The following LRMDA variants were observed in gnomAD, a reference collection of about 807,000 sequenced individuals.
LRMDA encodes leucine-rich melanocyte differentiation-associated protein.
A neutral mutation model predicts 29.8 loss-of-function variants in LRMDA; 18 were observed. That is an observed-to-expected ratio of 0.60 (90% CI 0.42 to 0.90). The LOEUF (loss-of-function observed/expected upper bound fraction) is 0.90. Among genes scored for constraint, LRMDA ranks in the 40% least tolerant of loss-of-function variants. The pLI is 0.00. For synonymous variants in LRMDA, 125 were observed against 109.4 expected (o/e 1.14, Z -0.89); for missense variants, 273 against 273.9 (o/e 1.00, Z 0.02).
intron 2 of LRMDA, among the ~76,000 whole-genome samples, chr10:75,875,940 C>A (rs565883846): frequency 1.3e-3 from 194 of 152,022 alleles, no homozygotes; most frequent in African/African-American, 4.4e-3. Flanking sequence ...GGATATGAGG[C>A]CTGATTGGAG....
At chr10:76,486,564 T>C (rs886940962) in intron 6 of LRMDA, among the ~76,000 whole-genome samples, 5 of 151,914 alleles carry the variant, frequency 3.3e-5, no homozygotes, top group African/African-American at 1.2e-4. Flanking sequence ...GAAGAGTCCC[T>C]TTTCCTGATT....
chr10:76,447,407 CT>C (rs1443621833), intron 6 of LRMDA, among the ~76,000 whole-genome samples: 1 of 152,074 alleles, frequency 6.6e-6, no homozygotes, highest in Non-Finnish European at 1.5e-5. Flanking sequence ...CTTCTTGGTT[CT>C]GTTTTTCCTT....
intron 2 of LRMDA, among the ~76,000 whole-genome samples, chr10:75,759,425 C>G (rs1843069327): frequency 6.6e-6 from 1 of 152,170 alleles, no homozygotes; most frequent in Non-Finnish European, 1.5e-5. Flanking sequence ...TCTGCTCTCT[C>G]TAATGGTACT....
intron 2 of LRMDA, among the ~76,000 whole-genome samples, chr10:75,688,722 G>C (rs1290217372): frequency 6.6e-6 from 1 of 152,138 alleles, no homozygotes; most frequent in Non-Finnish European, 1.5e-5. Flanking sequence ...GAACTCTTTC[G>C]TGAAAGGAAG....
chr10:76,516,217 G>T (rs1366069426), intron 6 of LRMDA, among the ~76,000 whole-genome samples: 1 of 152,168 alleles, frequency 6.6e-6, no homozygotes, highest in Non-Finnish European at 1.5e-5. Flanking sequence ...AAAAGAAACA[G>T]ATTTGAATGC....
intron 2 of LRMDA, among the ~76,000 whole-genome samples, chr10:75,448,788 T>C (rs183977181): frequency 3.0e-4 from 45 of 152,208 alleles, no homozygotes; most frequent in African/African-American, 1.1e-3. Context: ...TTGCCAATAA[T>C]ACCAAGAGAG....
intron 2 of LRMDA, among the ~76,000 whole-genome samples, chr10:75,838,376 A>AT (rs1050603278): frequency 2.0e-5 from 3 of 152,100 alleles, no homozygotes; most frequent in Non-Finnish European, 2.9e-5. Context: ...TATAGGGAAC[A>AT]TTTTTTTTCT....
intron 2 of LRMDA, among the ~76,000 whole-genome samples, chr10:75,877,654 T>C (rs761368453): frequency 2.6e-5 from 4 of 152,220 alleles, no homozygotes; most frequent in Non-Finnish European, 5.9e-5. Context: ...TAGAGGATAA[T>C]AGGATGGGTA....
intron 6 of LRMDA, among the ~76,000 whole-genome samples, chr10:76,501,918 C>T (rs1057057635): frequency 1.3e-5 from 2 of 151,804 alleles, no homozygotes. Flanking sequence ...GGGATTTAGC[C>T]CAAAATTCTT....
At chr10:75,906,439 A>G (rs1319471169) in intron 2 of LRMDA, among the ~76,000 whole-genome samples, 2 of 152,182 alleles carry the variant, frequency 1.3e-5, no homozygotes, top group African/African-American at 2.4e-5. Flanking sequence ...CACACAGCCA[A>G]TTAGAGGTCT....
At chr10:76,349,194 CA>C (rs1841145129) in intron 6 of LRMDA, among the ~76,000 whole-genome samples, 1 of 152,088 alleles carries the variant, frequency 6.6e-6, no homozygotes, top group Non-Finnish European at 1.5e-5. Flanking sequence ...TGTGGGTCAG[CA>C]AACTTTTATC....
chr10:75,887,310 TA>T (rs1282472997), intron 2 of LRMDA, among the ~76,000 whole-genome samples: 1 of 152,036 alleles, frequency 6.6e-6, no homozygotes, highest in Non-Finnish European at 1.5e-5. Context: ...AATTATGTAT[TA>T]ATGGAAAAAT....
intron 5 of LRMDA, among the ~76,000 whole-genome samples, chr10:76,161,813 T>A (rs1378786353): frequency 1.3e-5 from 2 of 152,172 alleles, no homozygotes; most frequent in Admixed American, 1.3e-4. Context: ...GAAGGGCTGT[T>A]GTTTTGCTGA....
chr10:75,615,860 G>A (rs1409047131), intron 2 of LRMDA, among the ~76,000 whole-genome samples: 1 of 152,096 alleles, frequency 6.6e-6, no homozygotes, highest in African/African-American at 2.4e-5. Context: ...CCGGATAATG[G>A]GTGTCACAGG....
chr10:76,223,431 C>A (rs1315912791), intron 5 of LRMDA, among the ~76,000 whole-genome samples: 1 of 152,120 alleles, frequency 6.6e-6, no homozygotes, highest in Non-Finnish European at 1.5e-5. Context: ...CCTTGAGGCT[C>A]CTACCTCTCT....
chr10:76,236,173 C>T (rs1852148401), intron 5 of LRMDA, among the ~76,000 whole-genome samples: 1 of 152,132 alleles, frequency 6.6e-6, no homozygotes, highest in African/African-American at 2.4e-5. Context: ...CTAGGAAAGC[C>T]TGATGCCATC....
intron 5 of LRMDA, among the ~76,000 whole-genome samples, chr10:76,323,952 C>T (rs1840803053): frequency 6.6e-6 from 1 of 152,198 alleles, no homozygotes; most frequent in South Asian, 2.1e-4. Context: ...TCTTTCATGC[C>T]ACTGGGCTCA....
intron 6 of LRMDA, among the ~76,000 whole-genome samples, chr10:76,509,998 G>A (rs919392385): frequency 6.6e-6 from 1 of 152,262 alleles, no homozygotes; most frequent in Non-Finnish European, 1.5e-5. Flanking sequence ...AACTAAAGTA[G>A]CTGAGTGCCT....
At chr10:76,040,136 GC>G (rs1287763725) in intron 3 of LRMDA, among the ~76,000 whole-genome samples, 1 of 152,140 alleles carries the variant, frequency 6.6e-6, no homozygotes, top group Non-Finnish European at 1.5e-5. Flanking sequence ...CTGATTCCCA[GC>G]TCCAGACTCT....
Sources: gnomAD v4.1 joint callset for allele counts (sites outside exome capture counted in the v4.1 genomes callset) on GRCh38, gnomAD v4.1.1 for gene constraint, MANE v1.5 for transcripts, NCBI Gene and HGNC (gene_info 2026-07-23, HGNC 2026-07-21) for gene names.